SHE: variants seen among roughly 807,000 people sequenced by gnomAD.
SHE encodes the protein Src homology 2 domain containing E.
SHE carries 11 observed loss-of-function variants against 49.8 expected under a neutral mutation model. That is an observed-to-expected ratio of 0.22 (90% CI 0.14 to 0.37). SHE has a LOEUF of 0.37. Ranked by LOEUF, SHE falls within the 10% of genes least tolerant of loss-of-function variation. The pLI is 1.00. For missense variants in SHE, 624 were observed against 655.5 expected, an observed-to-expected ratio of 0.95 and a Z score of 0.52; for synonymous variants, 310 against 278.1, an observed-to-expected ratio of 1.11 and a Z score of -1.14.
downstream of SHE, among the ~76,000 whole-genome samples, chr1:154,475,717 C>T (rs750833608): frequency 6.6e-6 from 1 of 152,184 alleles, no homozygotes; most frequent in Non-Finnish European, 1.5e-5. Flanking sequence ...ACAGACAAAA[C>T]AAAATTGGCT....
chr1:154,492,193 A>G (rs1692387973), intron 2 of SHE, among the ~76,000 whole-genome samples: 1 of 152,208 alleles, frequency 6.6e-6, no homozygotes, highest in African/African-American at 2.4e-5. Context: ...CAGCTGTCTC[A>G]AATTCTGTGC....
At chr1:154,474,039 C>T (rs1165438266) in intron 1 of SHE, among the ~76,000 whole-genome samples, 1 of 152,234 alleles carries the variant, frequency 6.6e-6, no homozygotes, top group Non-Finnish European at 1.5e-5. Context: ...GTGCTCTTTG[C>T]TTTTGCCATG....
chr1:154,482,999 A>C lies in SHE; in HGVS notation c.*1150T>G. ...AAATGCCCAATGATGATGAAACAAAAGACATCGAAGTTCTATGTAATTAAT... is the reference window on the plus strand; with the variant it reads ...AAATGCCCAATGATGATGAAACAAACGACATCGAAGTTCTATGTAATTAAT... On this transcript the variant is annotated 3_prime_UTR_variant, in exon 6 of 6. Coordinates refer to ENST00000304760, the MANE Select transcript of SHE (RefSeq NM_001010846.3). 1.0e-6 allele frequency: 1 copy of C among 984,712 alleles called. No homozygotes were observed. The highest frequency in any genetic ancestry group is 1.2e-6 in the Non-Finnish European group (1 of 829,278). 61.0% of individuals were successfully genotyped at this position (984,712 alleles called of 1,614,324 possible).
chr1:154,492,904 A>T (rs923327268), intron 2 of SHE, among the ~76,000 whole-genome samples: 1 of 152,234 alleles, frequency 6.6e-6, no homozygotes, highest in African/African-American at 2.4e-5. Context: ...ACATTAAGAC[A>T]GAAGGAGCCC....
chr1:154,488,354 G>A (rs1225224491), intron 3 of SHE, among the ~76,000 whole-genome samples: 1 of 151,790 alleles, frequency 6.6e-6, no homozygotes. Flanking sequence ...CACCTCCCAG[G>A]TTCAAGCTAT....
intron 3 of SHE, 144 bp downstream of exon 3, chr1:154,488,907 C>T: frequency 8.7e-7 from 1 of 1,152,538 alleles, no homozygotes; most frequent in Non-Finnish European, 1.2e-6. Context: ...TTTCAATGGT[C>T]ATTTCAGGCA....
chr1:154,473,331 C>T (rs1050177360), intron 1 of SHE, among the ~76,000 whole-genome samples: 2 of 151,776 alleles, frequency 1.3e-5, no homozygotes, highest in Admixed American at 6.6e-5. Flanking sequence ...ACCAATTAAC[C>T]GAGCATGGTG....
At chr1:154,486,424 C>A in intron 4 of SHE, 103 bp downstream of exon 4, 1 of 1,470,412 alleles carries the variant, frequency 6.8e-7, no homozygotes. Flanking sequence ...GGCAAGTGTT[C>A]ATTAACAAAA....
At chr1:154,479,216 G>A (rs1691957936), downstream of SHE, among the ~76,000 whole-genome samples, 1 of 152,086 alleles carries the variant, frequency 6.6e-6, no homozygotes, top group African/African-American at 2.4e-5. Flanking sequence ...ACTAACTTTC[G>A]ACTCAGGAAG....
chr1:154,501,960 T>C lies in SHE; in HGVS notation c.67A>G (p.Thr23Ala). 1.4e-6 allele frequency: 2 copies of C among 1,434,440 alleles called. No individual in the cohort carries two copies. The highest frequency in any genetic ancestry group is 5.6e-5 in the East Asian group (2 of 35,910). 88.9% of individuals were successfully genotyped at this position (1,434,440 alleles called of 1,614,324 possible). The part of the protein sequence containing the change: ...LGWASSLACS[T>A]APTLLGRAGR... ...GCTCGGCCCAGGAGCGTCGGGGCCG[T>C]GGAGCAGGCGAGCGAGGAAGCCCAG... Residue 23 changes from threonine (T) to alanine (A), a missense_variant, in exon 1 of 6, where the codon ACG (threonine) becomes GCG (alanine). Transcript: ENST00000304760.
At chr1:154,496,939 T>C (rs1009599643) in intron 2 of SHE, among the ~76,000 whole-genome samples, 12 of 148,558 alleles carry the variant, frequency 8.1e-5, no homozygotes, top group Non-Finnish European at 1.5e-4. Flanking sequence ...AGCATAAAAC[T>C]TTTTTTTTTA....
chr1:154,482,652 T>C lies in SHE; in HGVS notation c.*1497A>G, dbSNP rs1007413537. On this transcript the variant is annotated 3_prime_UTR_variant, in exon 6 of 6. Coordinates refer to ENST00000304760, the MANE Select transcript of SHE (RefSeq NM_001010846.3). ...CTGCTGAATTTTAATTCTGGAGCCA[T>C]TCACCATAGTACTCTTCTCACAGTA... is the stretch of plus-strand genomic sequence containing the variant. 4 of 985,350 alleles carry C rather than the reference T, an allele frequency of 4.1e-6. No individual in the cohort carries two copies. Among genetic ancestry groups the C allele is most frequent in the Non-Finnish European group, 4.8e-6 (4 of 829,946 alleles). The allele number at this position is 985,350 out of a possible 1,614,324, so 61.0% of individuals were successfully genotyped here.
In SHE at chr1:154,480,607, A is replaced by G. The variant is rs1415961681; in HGVS notation, c.*3542T>C. On this transcript the variant is annotated 3_prime_UTR_variant, in exon 6 of 6. Coordinates refer to ENST00000304760, the MANE Select transcript of SHE (RefSeq NM_001010846.3). Reference sequence around the variant, plus strand: ...GCTAGTACACAAATACCAATTCTGCAAAGTACGGAGACTTCCAACAGCAAA... The same window carrying G: ...GCTAGTACACAAATACCAATTCTGCGAAGTACGGAGACTTCCAACAGCAAA... The G allele has an allele frequency of 1.0e-6, 1 of 985,392 alleles. No individual in the cohort carries two copies. Among genetic ancestry groups the G allele is most frequent in the African/African-American group, 1.7e-5 (1 of 57,250 alleles). 61.0% of individuals were successfully genotyped at this position (985,392 alleles called of 1,614,324 possible). A position where few individuals can be genotyped will look rare whatever the true frequency, so the allele number is the denominator to read the frequency against.
At position 154,501,645 on chromosome 1, in the gene SHE, C is replaced by T; in HGVS notation, c.382G>A (p.Glu128Lys). Residue 128 changes from glutamate to lysine, a missense_variant, in exon 1 of 6, where the codon GAG becomes AAG. Coordinates refer to ENST00000304760, the MANE Select transcript of SHE (RefSeq NM_001010846.3). ...KGRKNSRATE[E>K]EPHRGATKSS... is the part of the protein sequence containing the mutation. ...TTGGTTGCACCCCGGTGGGGCTCCT[C>T]CTCCGTGGCCCGGGAGTTTTTGCGG... The T allele has an allele frequency of 6.2e-7, 1 of 1,614,116 alleles. No individual in the cohort carries two copies.
intron 2 of SHE, among the ~76,000 whole-genome samples, chr1:154,496,749 C>T (rs1238495914): frequency 8.6e-6 from 1 of 116,146 alleles, no homozygotes; most frequent in Admixed American, 1.1e-4. Context: ...GTGGGAATTA[C>T]ATGAAAAAAA....
intron 2 of SHE, among the ~76,000 whole-genome samples, chr1:154,493,947 C>T (rs1041424536): frequency 6.6e-6 from 1 of 152,200 alleles, no homozygotes; most frequent in African/African-American, 2.4e-5. Context: ...AGTCATGCAG[C>T]AGTTATGGTG....
intron 2 of SHE, among the ~76,000 whole-genome samples, chr1:154,496,319 T>C (rs769177531): frequency 3.9e-5 from 6 of 152,270 alleles, no homozygotes; most frequent in Non-Finnish European, 5.9e-5. Context: ...TTGAATTTAT[T>C]TGCCAACTGA....
chr1:154,498,959 A>AC (rs913465637), intron 2 of SHE, among the ~76,000 whole-genome samples, 153 bp downstream of exon 2: 1 of 152,226 alleles, frequency 6.6e-6, no homozygotes, highest in African/African-American at 2.4e-5. Flanking sequence ...AAATAGTCCG[A>AC]CATTAGTTTG....
rs558667118 is a variant in SHE at position 154,480,574 on chromosome 1, C to T, written c.*3575G>A. ...GCTACCTGCCCACCTCCCCATCCTG[C>T]GGCAGAGGCTAGTACACAAATACCA... On this transcript the variant is annotated 3_prime_UTR_variant, in exon 6 of 6. Transcript: ENST00000304760. The T allele has an allele frequency of 7.1e-6, 7 of 985,378 alleles. No homozygotes were observed. Among genetic ancestry groups the T allele is most frequent in the African/African-American group, 7.0e-5 (4 of 57,218 alleles). 61.0% of individuals were successfully genotyped at this position (985,378 alleles called of 1,614,324 possible).
Sources: gnomAD v4.1 joint callset for allele counts (sites outside exome capture counted in the v4.1 genomes callset) on GRCh38, gnomAD v4.1.1 for gene constraint, MANE v1.5 for transcripts, NCBI Gene and HGNC (gene_info 2026-07-23, HGNC 2026-07-21) for gene names.